Variants in SHISA6 observed in about 807,000 individuals in gnomAD.
The protein encoded by SHISA6 is protein shisa-6.
In SHISA6, 22 loss-of-function variants were observed where a neutral mutation model predicts 47.9. That is an observed-to-expected ratio of 0.46 (90% CI 0.33 to 0.66). The LOEUF (loss-of-function observed/expected upper bound fraction) is 0.66. SHISA6 is among the 30% of genes least tolerant of loss of function. SHISA6 has a pLI of 0.02. For synonymous variants in SHISA6, 388 were observed against 337.8 expected, an observed-to-expected ratio of 1.15 and a Z score of -1.63; for missense variants, 680 against 764.6, an observed-to-expected ratio of 0.89 and a Z score of 1.30.
At chr17:11,544,501 A>C (rs1284207117) in intron 3 of SHISA6, among the ~76,000 whole-genome samples, 1 of 152,228 alleles carries the variant, frequency 6.6e-6, no homozygotes, top group African/African-American at 2.4e-5. Flanking sequence ...CCACAATGAG[A>C]TATCGCTACA....
chr17:11,324,913 A>C lies in SHISA6; in HGVS notation c.800-54501A>C, dbSNP rs1597458839. On this transcript the variant is annotated intron_variant, in intron 2 of 5. Transcript: ENST00000441885. Reference sequence around the variant, plus strand: ...CACAGCGAGGGCCGGGTCTCCAATCACCTGCCTATCTGGTCCCTGGAGCCC... The same window carrying C: ...CACAGCGAGGGCCGGGTCTCCAATCCCCTGCCTATCTGGTCCCTGGAGCCC... 2.0e-5 allele frequency among the ~76,000 whole-genome samples: 3 copies of C among 152,186 alleles called. 1 individual carries two copies. In the South Asian group the frequency reaches 6.2e-4, roughly 32 times the overall value.
chr17:11,392,687 G>A (rs986340430), intron 3 of SHISA6, among the ~76,000 whole-genome samples: 1 of 152,230 alleles, frequency 6.6e-6, no homozygotes, highest in African/African-American at 2.4e-5. Flanking sequence ...CCCAGCCTCA[G>A]GTATTCTGAT....
intron 3 of SHISA6, among the ~76,000 whole-genome samples, chr17:11,389,996 A>G (rs1254235819): frequency 6.6e-6 from 1 of 152,212 alleles, no homozygotes; most frequent in Non-Finnish European, 1.5e-5. Context: ...CCAGGATTCC[A>G]TGGTGGCCTA....
chr17:11,417,213 AG>A (rs1914305657), intron 3 of SHISA6, among the ~76,000 whole-genome samples: 2 of 152,114 alleles, frequency 1.3e-5, no homozygotes, highest in South Asian at 2.1e-4. Flanking sequence ...GTCTAAAATG[AG>A]GGAATATAAG....
intron 3 of SHISA6, among the ~76,000 whole-genome samples, chr17:11,547,384 C>A (rs1379459376): frequency 1.3e-5 from 2 of 152,152 alleles, no homozygotes; most frequent in Admixed American, 1.3e-4. Context: ...GACCACAGTA[C>A]AATACAATAG....
At chr17:11,450,770 G>A (rs761711249) in intron 3 of SHISA6, among the ~76,000 whole-genome samples, 2 of 151,896 alleles carry the variant, frequency 1.3e-5, no homozygotes, top group Admixed American at 1.3e-4. Flanking sequence ...CCAGGAAATC[G>A]CACCAAGGAA....
intron 3 of SHISA6, among the ~76,000 whole-genome samples, chr17:11,458,828 C>T (rs1915619216): frequency 6.6e-6 from 1 of 152,136 alleles, no homozygotes; most frequent in Non-Finnish European, 1.5e-5. Context: ...CTCTGGGTCC[C>T]GATGTCTCAC....
Position 11,263,545 on chromosome 17 carries a change from C to T in SHISA6, c.799+19C>T, listed in dbSNP as rs1003085137. 1.3e-5 allele frequency: 20 copies of T among 1,551,112 alleles called. No individual in the cohort carries two copies. The African/African-American group carries it at 2.2e-4, about 17-fold the overall frequency. Reference sequence around the variant, plus strand: ...ACTCCAGGTAAGTAACAGCTGGGCACCTTGATTCTTTGCTGAGGCTGGTGA... The same window carrying T: ...ACTCCAGGTAAGTAACAGCTGGGCATCTTGATTCTTTGCTGAGGCTGGTGA... On this transcript the variant is annotated intron_variant, in intron 2 of 5. Transcript: ENST00000441885.
intron 3 of SHISA6, among the ~76,000 whole-genome samples, chr17:11,544,457 A>G (rs972315532): frequency 5.3e-5 from 8 of 152,224 alleles, no homozygotes; most frequent in Non-Finnish European, 1.2e-4. Flanking sequence ...AAGATGTCCA[A>G]CATCATTAGC....
At chr17:11,548,196 T>C (rs1800289397) in intron 3 of SHISA6, among the ~76,000 whole-genome samples, 1 of 152,124 alleles carries the variant, frequency 6.6e-6, no homozygotes, top group Non-Finnish European at 1.5e-5. Context: ...TGTTGTGCAG[T>C]TGATGAAATA....
At chr17:11,513,212 A>G (rs974730705) in intron 3 of SHISA6, among the ~76,000 whole-genome samples, 6 of 149,690 alleles carry the variant, frequency 4.0e-5, no homozygotes, top group African/African-American at 9.8e-5. Context: ...GTATATATGT[A>G]TGTGTTATAT....
chr17:11,531,057 C>G (rs2071727674), intron 3 of SHISA6, among the ~76,000 whole-genome samples: 1 of 152,052 alleles, frequency 6.6e-6, no homozygotes, highest in Non-Finnish European at 1.5e-5. Context: ...GAGTAGAATG[C>G]CACCAAGACA....
At chr17:11,283,691 C>G (rs1239578137) in intron 2 of SHISA6, among the ~76,000 whole-genome samples, 2 of 152,264 alleles carry the variant, frequency 1.3e-5, no homozygotes, top group East Asian at 3.9e-4. Context: ...TGTAACGTTG[C>G]AGATGCCAGC....
chr17:11,409,184 G>T (rs1597498681), intron 3 of SHISA6, among the ~76,000 whole-genome samples: 1 of 152,136 alleles, frequency 6.6e-6, no homozygotes, highest in East Asian at 1.9e-4. Flanking sequence ...TCTTTTTGAA[G>T]AAGCCAGTAC....
At chr17:11,325,732 T>C (rs1353614245) in intron 2 of SHISA6, among the ~76,000 whole-genome samples, 1 of 151,854 alleles carries the variant, frequency 6.6e-6, no homozygotes, top group Non-Finnish European at 1.5e-5. Flanking sequence ...CAAGAGACAT[T>C]GATTTGGGTA....
At chr17:11,318,352 T>C (rs543156709) in intron 2 of SHISA6, among the ~76,000 whole-genome samples, 1 of 152,338 alleles carries the variant, frequency 6.6e-6, no homozygotes, top group East Asian at 1.9e-4. Context: ...TTCATGTATT[T>C]CCTTATCTTG....
chr17:11,419,867 T>C (rs1265929984), intron 3 of SHISA6, among the ~76,000 whole-genome samples: 1 of 152,192 alleles, frequency 6.6e-6, no homozygotes, highest in Admixed American at 6.5e-5. Flanking sequence ...TTTGTGTTCA[T>C]GATCTCATCT....
At chr17:11,432,662 T>C (rs1207909494) in intron 3 of SHISA6, among the ~76,000 whole-genome samples, 1 of 152,184 alleles carries the variant, frequency 6.6e-6, no homozygotes, top group Non-Finnish European at 1.5e-5. Flanking sequence ...TACTGATTAA[T>C]GGACAAATAA....
chr17:11,277,997 G>T (rs1908982798), intron 2 of SHISA6, among the ~76,000 whole-genome samples: 1 of 152,194 alleles, frequency 6.6e-6, no homozygotes, highest in Admixed American at 6.5e-5. Context: ...GACTAGAGAA[G>T]AATGGCTATT....
Sources: allele counts gnomAD v4.1 joint callset (sites outside exome capture counted in the v4.1 genomes callset), GRCh38; gene constraint gnomAD v4.1.1; transcripts MANE v1.5; gene names NCBI Gene and HGNC (gene_info 2026-07-23, HGNC 2026-07-21).